EPM2A: variants seen among roughly 807,000 people sequenced by gnomAD.
The protein encoded by EPM2A is EPM2A glucan phosphatase, laforin.
EPM2A carries 21 observed loss-of-function variants against 26.5 expected under a neutral mutation model. The observed-to-expected ratio is 0.79, with a 90% CI of 0.56 to 1.14. The LOEUF is 1.14. Among genes scored for constraint, EPM2A ranks in the 50% most tolerant of loss-of-function variants. The pLI is 0.00. For synonymous variants in EPM2A, 217 were observed against 177.6 expected, an observed-to-expected ratio of 1.22 and a Z score of -1.76; for missense variants, 458 against 440.8, an observed-to-expected ratio of 1.04 and a Z score of -0.35.
rs5880647 is a variant in EPM2A at position 145,541,177 on chromosome 6, CTGTGTGTGTG to C, written c.341-38612_341-38603del. On this transcript the variant is annotated intron_variant, in intron 2 of 3. Coordinates refer to the EPM2A transcript ENST00000450221. ...TTTAACTATTTGGGAATATATATAT[CTGTGTGTGTG>C]TGTGTGTGTGTGTGTGTGTGTGTAC... is the stretch of plus-strand genomic sequence containing the variant. Among the ~76,000 whole-genome samples, 152 of 147,104 alleles carry C rather than the reference CTGTGTGTGTG, an allele frequency of 1.0e-3. 1 individual carries two copies. Among genetic ancestry groups the C allele is most frequent in the African/African-American group, 1.2e-3 (48 of 39,982 alleles).
chr6:145,455,362 T>G (rs533219903), intron 4 of EPM2A, among the ~76,000 whole-genome samples: 1 of 152,096 alleles, frequency 6.6e-6, no homozygotes, highest in Non-Finnish European at 1.5e-5. Context: ...ACTAAAAAAA[T>G]TTTTTTCTTT....
intron 4 of EPM2A, among the ~76,000 whole-genome samples, chr6:145,429,294 A>G (rs1778891399): frequency 6.6e-6 from 1 of 152,140 alleles, no homozygotes; most frequent in East Asian, 1.9e-4. Context: ...AAAATCAACT[A>G]TATTTTAATA....
chr6:145,693,359 CAG>C (rs1397950503), intron 1 of EPM2A, among the ~76,000 whole-genome samples: 5 of 152,004 alleles, frequency 3.3e-5, no homozygotes, highest in African/African-American at 4.8e-5. Context: ...CATCTGCAAA[CAG>C]GGATAGTTTG....
intron 2 of EPM2A, among the ~76,000 whole-genome samples, chr6:145,572,840 G>T (rs1466042108): frequency 6.6e-6 from 1 of 152,136 alleles, no homozygotes; most frequent in Admixed American, 6.5e-5. Context: ...ACTCAAAACT[G>T]GAAACCTTTC....
At chr6:145,671,336 T>C (rs541557937) in intron 2 of EPM2A, 2 of 1,008,552 alleles carry the variant, frequency 2.0e-6, no homozygotes, top group South Asian at 7.8e-5. Flanking sequence ...CGTCTTGAGC[T>C]ACAAAAATGA....
At chr6:145,552,244 A>G (rs962830889) in intron 2 of EPM2A, among the ~76,000 whole-genome samples, 3 of 152,058 alleles carry the variant, frequency 2.0e-5, no homozygotes, top group African/African-American at 7.2e-5. Context: ...TTCAGATCCC[A>G]GAAGCCAATA....
chr6:145,729,270 T>C (rs1257812820), intron 1 of EPM2A, among the ~76,000 whole-genome samples: 2 of 152,208 alleles, frequency 1.3e-5, no homozygotes, highest in African/African-American at 4.8e-5. Flanking sequence ...ACTGGGGCAC[T>C]GCCTACTGGA....
chr6:145,438,583 C>T (rs1414499049), intron 4 of EPM2A, among the ~76,000 whole-genome samples: 1 of 150,496 alleles, frequency 6.6e-6, no homozygotes, highest in African/African-American at 2.4e-5. Flanking sequence ...AAGTGATTCT[C>T]CTGCCTCAGC....
chr6:145,606,445 TATA>T (rs1775260881), intron 2 of EPM2A, among the ~76,000 whole-genome samples: 1 of 151,942 alleles, frequency 6.6e-6, no homozygotes, highest in Non-Finnish European at 1.5e-5. Flanking sequence ...TGTTTTTGTT[TATA>T]ATATTTATTT....
At chr6:145,656,368 G>C (rs1392643484) in intron 2 of EPM2A, among the ~76,000 whole-genome samples, 1 of 152,194 alleles carries the variant, frequency 6.6e-6, no homozygotes, top group Non-Finnish European at 1.5e-5. Context: ...GGGTAAGTGA[G>C]AGACCTCCAG....
intron 4 of EPM2A, among the ~76,000 whole-genome samples, chr6:145,416,874 T>C (rs769763346): frequency 6.6e-6 from 1 of 152,214 alleles, no homozygotes; most frequent in Non-Finnish European, 1.5e-5. Flanking sequence ...TTAATTTTTT[T>C]TTTTTACTGT....
At chr6:145,698,373 G>A (rs1276922862) in intron 1 of EPM2A, among the ~76,000 whole-genome samples, 1 of 152,194 alleles carries the variant, frequency 6.6e-6, no homozygotes, top group Non-Finnish European at 1.5e-5. Context: ...AACAGAAGGA[G>A]TGATTGACAA....
intron 2 of EPM2A, among the ~76,000 whole-genome samples, chr6:145,567,801 A>C (rs1780903417): frequency 6.6e-6 from 1 of 151,968 alleles, no homozygotes; most frequent in African/African-American, 2.4e-5. Context: ...CTGATCATGC[A>C]GAGAGAGCCC....
intron 1 of EPM2A, among the ~76,000 whole-genome samples, chr6:145,714,784 T>C (rs1473094680): frequency 1.3e-5 from 2 of 152,180 alleles, no homozygotes; most frequent in African/African-American, 4.8e-5. Flanking sequence ...TCATGAGACT[T>C]ATTCACTATC....
intron 2 of EPM2A, among the ~76,000 whole-genome samples, chr6:145,546,612 G>C (rs13202222): frequency 1.3e-5 from 2 of 152,132 alleles, no homozygotes; most frequent in Non-Finnish European, 2.9e-5. Context: ...TCATTGTCAT[G>C]ATTGCTAAAA....
intron 2 of EPM2A, among the ~76,000 whole-genome samples, chr6:145,678,151 C>T (rs750073667): frequency 6.6e-6 from 1 of 152,194 alleles, no homozygotes; most frequent in East Asian, 1.9e-4. Flanking sequence ...TGATCATTGA[C>T]AAACCTGACA....
chr6:145,561,333 T>C (rs1780802083), intron 2 of EPM2A, among the ~76,000 whole-genome samples: 1 of 152,110 alleles, frequency 6.6e-6, no homozygotes, highest in African/African-American at 2.4e-5. Flanking sequence ...CTCTATGATG[T>C]TTACACAATG....
At chr6:145,506,831 T>C (rs1330613887) in intron 2 of EPM2A, among the ~76,000 whole-genome samples, 4 of 152,152 alleles carry the variant, frequency 2.6e-5, no homozygotes, top group South Asian at 2.1e-4. Context: ...TCTGATCTTG[T>C]TTCAGACTGG....
chr6:145,496,728 A>ATGTTTTTTGTTTTTTTTTTTT (rs779194973), downstream of EPM2A, among the ~76,000 whole-genome samples: 1 of 106,908 alleles, frequency 9.4e-6, no homozygotes, highest in Non-Finnish European at 2.0e-5. Flanking sequence ...AGTTCCTGCA[A>ATGTTTTTTGTTTTTTTTTTTT]TTTTTTTTTT....
Sources: allele counts gnomAD v4.1 joint callset (sites outside exome capture counted in the v4.1 genomes callset), GRCh38; gene constraint gnomAD v4.1.1; transcripts MANE v1.5; gene names NCBI Gene and HGNC (gene_info 2026-07-23, HGNC 2026-07-21).